The following INSYN2B variants were observed in gnomAD, a reference collection of about 807,000 sequenced individuals.
The protein encoded by INSYN2B is protein INSYN2B.
A neutral mutation model predicts 41.2 loss-of-function variants in INSYN2B; 16 were observed. The ratio of observed to expected loss-of-function variants is 0.39; its 90% CI spans 0.26 to 0.59. The LOEUF is 0.59. Ranked by LOEUF, INSYN2B falls within the 20% of genes least tolerant of loss-of-function variation. The pLI, the probability that INSYN2B is intolerant of heterozygous loss-of-function variation, is 0.57. For missense variants in INSYN2B, 608 were observed against 646.4 expected (o/e 0.94, Z 0.64); for synonymous variants, 245 against 244.4 (o/e 1.00, Z -0.02).
At position 169,883,140 on chromosome 5, in the gene INSYN2B, T is replaced by C; in HGVS notation, c.759A>G (p.Glu253=). Residue 253 remains glutamate (E), a synonymous_variant, in exon 2 of 4, where the codon GAA becomes GAG. Coordinates refer to ENST00000377365, the MANE Select transcript of INSYN2B (RefSeq NM_001129891.3). The stretch of plus-strand genomic sequence containing the variant: ...TGGCATTTAAGCAGGAGGTGGATTT[T>C]TCTGAATCTAGTGGAGTCACCCTTC... ...DGRRVTPLDS[E]KSTSCLNATS... The C allele has an allele frequency of 1.9e-6, 3 of 1,551,644 alleles. 1 individual carries two copies. In the South Asian group the frequency reaches 3.6e-5, roughly 18 times the overall value.
intron 1 of INSYN2B, among the ~76,000 whole-genome samples, chr5:169,905,514 G>A (rs2113599839): frequency 6.6e-6 from 1 of 152,276 alleles, no homozygotes; most frequent in South Asian, 2.1e-4. Flanking sequence ...GAGTATGTTG[G>A]GAGAGGACAG....
chr5:169,968,605 T>C (rs1410466650), intron 1 of INSYN2B, among the ~76,000 whole-genome samples: 1 of 152,344 alleles, frequency 6.6e-6, no homozygotes. Flanking sequence ...GGTTTTTGTT[T>C]TTCATTTTGA....
chr5:169,871,239 C>T (rs572074543), intron 3 of INSYN2B, among the ~76,000 whole-genome samples: 12 of 152,252 alleles, frequency 7.9e-5, no homozygotes, highest in African/African-American at 2.6e-4. Context: ...ATACCTAGTC[C>T]TTTGATTTTT....
At chr5:169,948,274 T>A (rs1296707057) in intron 1 of INSYN2B, among the ~76,000 whole-genome samples, 1 of 149,542 alleles carries the variant, frequency 6.7e-6, no homozygotes, top group African/African-American at 2.5e-5. Context: ...TATATTTTAG[T>A]AGAGGGATTC....
rs1368421110 is a variant in INSYN2B at position 169,863,444 on chromosome 5, T to C, written c.*829A>G. ...TTAAATATTGCAGGTAAGTTAACTA[T>C]GGAGTCTTAAAGTTCACACCAAAAA... On this transcript the variant is annotated 3_prime_UTR_variant, in exon 4 of 4. Transcript: ENST00000377365. 5.3e-5 allele frequency among the ~76,000 whole-genome samples: 8 copies of C among 152,246 alleles called. No homozygotes were observed. The highest frequency in any genetic ancestry group is 4.4e-5 in the Non-Finnish European group (3 of 68,042).
At chr5:169,976,745 T>A (rs1777730838) in intron 1 of INSYN2B, among the ~76,000 whole-genome samples, 1 of 152,186 alleles carries the variant, frequency 6.6e-6, no homozygotes, top group Non-Finnish European at 1.5e-5. Flanking sequence ...TCTGGCCCCT[T>A]GTCTGTGCTT....
At chr5:169,887,542 C>T (rs1044277456) in intron 1 of INSYN2B, among the ~76,000 whole-genome samples, 2 of 152,314 alleles carry the variant, frequency 1.3e-5, no homozygotes, top group South Asian at 2.1e-4. Context: ...GAAAGTTACA[C>T]ATTATGGTGT....
chr5:169,967,476 C>T (rs112745837), intron 1 of INSYN2B, among the ~76,000 whole-genome samples: 86 of 151,976 alleles, frequency 5.7e-4, no homozygotes, highest in African/African-American at 1.7e-3. Flanking sequence ...TCTGTGTGGC[C>T]GGATGATAAA....
At chr5:169,885,829 A>G (rs1342950869) in intron 1 of INSYN2B, among the ~76,000 whole-genome samples, 1 of 152,190 alleles carries the variant, frequency 6.6e-6, no homozygotes, top group Non-Finnish European at 1.5e-5. Flanking sequence ...GCCTAAACAT[A>G]TCCTACTGCT....
intron 1 of INSYN2B, among the ~76,000 whole-genome samples, chr5:169,954,830 C>A (rs1378046804): frequency 1.3e-5 from 2 of 152,216 alleles, no homozygotes; most frequent in Non-Finnish European, 2.9e-5. Context: ...TACAGGTCCA[C>A]CCAGGCTGCA....
At chr5:169,945,637 T>G (rs1178439231) in intron 1 of INSYN2B, among the ~76,000 whole-genome samples, 1 of 152,200 alleles carries the variant, frequency 6.6e-6, no homozygotes, top group Non-Finnish European at 1.5e-5. Context: ...CTGGCTGAGC[T>G]GCATCTGCAG....
intron 1 of INSYN2B, among the ~76,000 whole-genome samples, chr5:169,941,342 G>T (rs1169040722): frequency 6.6e-6 from 1 of 152,146 alleles, no homozygotes; most frequent in Non-Finnish European, 1.5e-5. Context: ...CAAGTAGCTG[G>T]GATTACAGGC....
chr5:169,863,554 A>G lies in INSYN2B; in HGVS notation c.*719T>C, dbSNP rs1443511594. Among the ~76,000 whole-genome samples, 1 of 152,206 alleles carries G rather than the reference A, an allele frequency of 6.6e-6. No individual in the cohort carries two copies. Among genetic ancestry groups the G allele is most frequent in the Non-Finnish European group, 1.5e-5 (1 of 68,042 alleles). On this transcript the variant is annotated 3_prime_UTR_variant, in exon 4 of 4. Coordinates refer to ENST00000377365, the MANE Select transcript of INSYN2B (RefSeq NM_001129891.3). ...TTAGGGTGGGCCCTGGAACAGCTAC[A>G]GCTGCTGAAATCCTCTTTGAATTAC...
intron 3 of INSYN2B, among the ~76,000 whole-genome samples, chr5:169,870,910 A>ATACG (rs1016191601): frequency 6.8e-4 from 104 of 152,226 alleles, no homozygotes; most frequent in Non-Finnish European, 1.2e-3. Context: ...TTATACATAC[A>ATACG]TACATACACT....
At chr5:169,895,570 C>A (rs528327086) in intron 1 of INSYN2B, among the ~76,000 whole-genome samples, 1 of 152,176 alleles carries the variant, frequency 6.6e-6, no homozygotes, top group South Asian at 2.1e-4. Context: ...CCTAAAGCTC[C>A]TTCGGTGCCC....
At chr5:169,974,846 C>A (rs966083158) in intron 1 of INSYN2B, among the ~76,000 whole-genome samples, 11 of 150,266 alleles carry the variant, frequency 7.3e-5, no homozygotes, top group Non-Finnish European at 1.3e-4. Flanking sequence ...CTCCCCCCGA[C>A]ACACACACAT....
At position 169,873,828 on chromosome 5, in the gene INSYN2B, G is replaced by A. The variant is rs142578655; in HGVS notation, c.1421+7540C>T. On this transcript the variant is annotated intron_variant, in intron 3 of 3. Transcript: ENST00000377365. ...CAGAAGCACTCTCAGACCTCCAACC[G>A]TGTGACCTCAAGCGGCTCACACAGC... Among the ~76,000 whole-genome samples, 70 of 152,262 alleles carry A rather than the reference G, an allele frequency of 4.6e-4. No homozygotes were observed. In the East Asian group the frequency reaches 0.012, roughly 26 times the overall value.
chr5:169,959,147 C>G (rs1342497626), intron 1 of INSYN2B, among the ~76,000 whole-genome samples: 2 of 152,052 alleles, frequency 1.3e-5, no homozygotes, highest in African/African-American at 2.4e-5. Flanking sequence ...AATCCCAGCA[C>G]TTTGGGAGGC....
At chr5:169,926,068 T>C (rs1402181395) in intron 1 of INSYN2B, among the ~76,000 whole-genome samples, 2 of 152,172 alleles carry the variant, frequency 1.3e-5, no homozygotes, top group Non-Finnish European at 2.9e-5. Flanking sequence ...GAGCTGAGCT[T>C]AGAAAAGAGA....
Sources: gnomAD v4.1 joint callset for allele counts (sites outside exome capture counted in the v4.1 genomes callset) on GRCh38, gnomAD v4.1.1 for gene constraint, MANE v1.5 for transcripts, NCBI Gene and HGNC (gene_info 2026-07-23, HGNC 2026-07-21) for gene names.